Variants in OTUD7A observed in about 807,000 individuals in gnomAD.
OTUD7A encodes OTU deubiquitinase 7A, also known as OTU domain-containing protein 7A.
OTUD7A carries 12 observed loss-of-function variants against 65.7 expected under a neutral mutation model. The ratio of observed to expected loss-of-function variants is 0.18; its 90% CI spans 0.12 to 0.30. The LOEUF is 0.30. Among genes scored for constraint, OTUD7A ranks in the 10% least tolerant of loss-of-function variants. The probability of loss-of-function intolerance (pLI) is 1.00; values close to 1 mark genes in which losing one functional copy is unlikely to be tolerated. For missense variants in OTUD7A, 1,148 were observed against 1,304.8 expected, an observed-to-expected ratio of 0.88 and a Z score of 1.85; for synonymous variants, 641 against 586.3, an observed-to-expected ratio of 1.09 and a Z score of -1.35.
chr15:31,577,350 T>C (rs1464976722), intron 3 of OTUD7A, among the ~76,000 whole-genome samples: 2 of 152,162 alleles, frequency 1.3e-5, no homozygotes, highest in African/African-American at 2.4e-5. Flanking sequence ...TCCCCTTATC[T>C]TAACTCAAGC....
chr15:31,728,300 T>A (rs1167683105), intron 1 of OTUD7A, among the ~76,000 whole-genome samples: 1 of 152,242 alleles, frequency 6.6e-6, no homozygotes, highest in African/African-American at 2.4e-5. Context: ...TTGAGGCTAC[T>A]GGATTCTCCC....
chr15:31,786,604 AT>A (rs1435446014), intron 1 of OTUD7A, among the ~76,000 whole-genome samples: 1 of 152,140 alleles, frequency 6.6e-6, no homozygotes, highest in Non-Finnish European at 1.5e-5. Context: ...TGTGGCCCTC[AT>A]GCCCTGCTGC....
intron 3 of OTUD7A, among the ~76,000 whole-genome samples, chr15:31,610,819 C>T (rs964095267): frequency 2.0e-5 from 3 of 150,484 alleles, no homozygotes; most frequent in Non-Finnish European, 4.4e-5. Flanking sequence ...TTAGTAGAGG[C>T]GGGGTTTCAC....
At chr15:31,604,560 T>C (rs2141214737) in intron 3 of OTUD7A, among the ~76,000 whole-genome samples, 1 of 94,542 alleles carries the variant, frequency 1.1e-5, no homozygotes, top group East Asian at 3.4e-4. Context: ...CAACTGCACA[T>C]TCTGCACATT....
At chr15:31,801,996 C>T (rs1189208105) in intron 1 of OTUD7A, among the ~76,000 whole-genome samples, 1 of 151,922 alleles carries the variant, frequency 6.6e-6, no homozygotes, top group Non-Finnish European at 1.5e-5. Context: ...AGTGCAGTTA[C>T]CTCCCATTTT....
intron 1 of OTUD7A, among the ~76,000 whole-genome samples, chr15:31,800,036 C>CAG (rs1249581247): frequency 1.3e-5 from 2 of 152,134 alleles, no homozygotes; most frequent in Non-Finnish European, 2.9e-5. Flanking sequence ...CCAGAAACCG[C>CAG]AGAAAGTGAG....
intron 3 of OTUD7A, among the ~76,000 whole-genome samples, chr15:31,613,204 A>G (rs1890483786): frequency 6.6e-6 from 1 of 152,170 alleles, no homozygotes; most frequent in Non-Finnish European, 1.5e-5. Flanking sequence ...AGAAGATAAC[A>G]TTGGAAAACC....
chr15:31,621,114 G>A lies in OTUD7A; in HGVS notation c.151+33982C>T, dbSNP rs560323611. On this transcript the variant is annotated intron_variant, in intron 3 of 12. Coordinates refer to ENST00000307050, the MANE Select transcript of OTUD7A (RefSeq NM_001382637.1). ...CTTAGTCCTGAGTACTAGTTTGATT[G>A]CACTGTGGTCTGAGAAACAGTTTGC... Among the ~76,000 whole-genome samples, 50 of 151,582 alleles carry A rather than the reference G, an allele frequency of 3.3e-4. No homozygotes were observed. In the South Asian group the frequency reaches 0.01, roughly 31 times the overall value.
At chr15:31,699,421 G>A (rs1383792440) in intron 1 of OTUD7A, among the ~76,000 whole-genome samples, 1 of 152,190 alleles carries the variant, frequency 6.6e-6, no homozygotes, top group African/African-American at 2.4e-5. Flanking sequence ...GAGTTTCAGG[G>A]TAGGTTCTGC....
intron 1 of OTUD7A, among the ~76,000 whole-genome samples, chr15:31,860,736 C>T (rs184607283): frequency 7.0e-4 from 74 of 105,534 alleles, no homozygotes; most frequent in Middle Eastern, 6.0e-3. Context: ...GACGGAGTTT[C>T]GCTCTGTTGC....
At chr15:31,533,988 G>A (rs549873693) in intron 5 of OTUD7A, among the ~76,000 whole-genome samples, 1 of 152,296 alleles carries the variant, frequency 6.6e-6, no homozygotes, top group South Asian at 2.1e-4. Context: ...TAAAGTATGT[G>A]TATATAATGT....
chr15:31,670,514 C>A (rs1892453948), intron 1 of OTUD7A, among the ~76,000 whole-genome samples: 1 of 152,174 alleles, frequency 6.6e-6, no homozygotes, highest in African/African-American at 2.4e-5. Context: ...TTTTGCTTTG[C>A]ATTTCTGTAA....
chr15:31,534,861 C>T lies in OTUD7A; in HGVS notation c.551-4053G>A, dbSNP rs150681189. 3.4e-3 allele frequency among the ~76,000 whole-genome samples: 514 copies of T among 152,156 alleles called. 3 individuals carry two copies. Among genetic ancestry groups the T allele is most frequent in the African/African-American group, 0.012 (490 of 41,510 alleles). On this transcript the variant is annotated intron_variant, in intron 5 of 12. Coordinates refer to ENST00000307050, the MANE Select transcript of OTUD7A (RefSeq NM_001382637.1). ...GAACCTGTATGTCTAAGAAGTTGGC[C>T]CTCCATATACATGGATTTTGCATCC... is the stretch of plus-strand genomic sequence containing the variant.
chr15:31,699,749 G>A (rs1041039812), intron 1 of OTUD7A, among the ~76,000 whole-genome samples: 1 of 151,978 alleles, frequency 6.6e-6, no homozygotes, highest in African/African-American at 2.4e-5. Context: ...GCAGGTCCTT[G>A]CCTTCATGCT....
chr15:31,603,694 A>G (rs1411365742), intron 3 of OTUD7A, among the ~76,000 whole-genome samples: 3 of 152,338 alleles, frequency 2.0e-5, no homozygotes, highest in African/African-American at 4.8e-5. Flanking sequence ...TAATCTTTCC[A>G]TCTAACAATG....
At chr15:31,682,968 G>C (rs910228215) in intron 1 of OTUD7A, among the ~76,000 whole-genome samples, 11 of 152,194 alleles carry the variant, frequency 7.2e-5, no homozygotes, top group African/African-American at 2.7e-4. Context: ...GGGTGTCTAA[G>C]GGACATTTGG....
intron 3 of OTUD7A, among the ~76,000 whole-genome samples, chr15:31,592,835 G>A (rs192536557): frequency 1.7e-3 from 210 of 125,080 alleles, no homozygotes; most frequent in South Asian, 5.9e-3. Context: ...AGCCGAGATC[G>A]TGCCCCTGCG....
intron 1 of OTUD7A, chr15:31,765,960 G>A (rs1895083683): frequency 2.2e-6 from 3 of 1,385,130 alleles, no homozygotes; most frequent in Admixed American, 1.7e-5. Context: ...TTCTGCAATT[G>A]CAGCTTGAGA....
chr15:31,683,138 G>A (rs534938994), intron 1 of OTUD7A, among the ~76,000 whole-genome samples: 88 of 152,080 alleles, frequency 5.8e-4, no homozygotes, highest in African/African-American at 1.9e-3. Flanking sequence ...CTTTCTTATC[G>A]GCCCATATTA....
Sources: gnomAD v4.1 joint callset for allele counts (sites outside exome capture counted in the v4.1 genomes callset) on GRCh38, gnomAD v4.1.1 for gene constraint, MANE v1.5 for transcripts, NCBI Gene and HGNC (gene_info 2026-07-23, HGNC 2026-07-21) for gene names.